B3GNT4: variants seen among roughly 807,000 people sequenced by gnomAD.
B3GNT4 encodes UDP-GlcNAc:betaGal beta-1,3-N-acetylglucosaminyltransferase 4.
B3GNT4 carries 2 observed loss-of-function variants against 2.7 expected under a neutral mutation model. The ratio of observed to expected loss-of-function variants is 0.73; its 90% CI spans 0.30 to 2.31. The LOEUF is 2.31. Among genes scored for constraint, B3GNT4 ranks in the 30% most tolerant of loss-of-function variants. The probability of loss-of-function intolerance (pLI) is 0.12; values close to 1 mark genes in which losing one functional copy is unlikely to be tolerated. For synonymous variants in B3GNT4, 280 were observed against 203.4 expected (o/e 1.38, Z -3.20); for missense variants, 708 against 490.9 (o/e 1.44, Z -4.18).
intron 1 of B3GNT4, among the ~76,000 whole-genome samples, chr12:122,204,052 C>CCCGCCAGCCTGGG (rs1953882790): frequency 6.6e-6 from 1 of 151,892 alleles, no homozygotes; most frequent in Non-Finnish European, 1.5e-5. Flanking sequence ...CGCGGTAGAC[C>CCCGCCAGCCTGGG]CCGCCAGCCT....
In B3GNT4 at chr12:122,204,597, A is replaced by C. The variant is rs368808281; in HGVS notation, c.-22A>C. ...CCGCCGCCCGGCATCCTGAGCACGG[A>C]GACAGTCTCCAGCTGCCGTTCATGC... On this transcript the variant is annotated 5_prime_UTR_variant, in exon 2 of 3. Coordinates refer to ENST00000324189, the MANE Select transcript of B3GNT4 (RefSeq NM_030765.4). 2.9e-4 allele frequency: 458 copies of C among 1,599,172 alleles called. 2 individuals carry two copies. In the African/African-American group the frequency reaches 5.3e-3, roughly 19 times the overall value.
rs1331912061 is a variant in B3GNT4 at position 122,208,163 on chromosome 12, T to TA, written c.*778dup. The TA allele has an allele frequency of 2.9e-6, 2 of 701,720 alleles. No individual in the cohort carries two copies. Among genetic ancestry groups the TA allele is most frequent in the Non-Finnish European group, 2.6e-6 (1 of 388,596 alleles). 43.5% of individuals were successfully genotyped at this position (701,720 alleles called of 1,614,324 possible). ...AGCTGTACAGAGTGGGGTGAAATGT[T>TA]AAACAGGGTGCAGTGCCCAAGGGCT... On this transcript the variant is annotated 3_prime_UTR_variant, in exon 3 of 3. Transcript: ENST00000324189.
At position 122,206,682 on chromosome 12, in the gene B3GNT4, TG is replaced by T. The variant is rs777064164; in HGVS notation, c.437del (p.Gly146AspfsTer8). The T allele has an allele frequency of 1.9e-5, 31 of 1,611,942 alleles. No individual in the cohort carries two copies. The highest frequency in any genetic ancestry group is 2.5e-5 in the Non-Finnish European group (29 of 1,179,462). On this transcript the variant is annotated frameshift_variant, in exon 3 of 3. Coordinates refer to ENST00000324189, the MANE Select transcript of B3GNT4 (RefSeq NM_030765.4). LOFTEE classifies it low-confidence loss of function (END_TRUNC). ...RAAIRSTWGR[V>X]GGWARGRQLK... is the part of the protein sequence containing the mutation. ...GCTATCCGCAGCACGTGGGGCAGGG[TG>T]GGGGGATGGGCTAGGGGCCGGCAGC...
In B3GNT4 at chr12:122,208,026, T is replaced by C. The variant is rs758892585; in HGVS notation, c.*638T>C. 13 of 513,058 alleles carry C rather than the reference T, an allele frequency of 2.5e-5. No homozygotes were observed. Among genetic ancestry groups the C allele is most frequent in the Non-Finnish European group, 4.9e-5 (13 of 266,448 alleles). 31.8% of individuals were successfully genotyped at this position (513,058 alleles called of 1,614,324 possible). ...TCATTTTTGACGACGTAAATAAGAC[T>C]GAAAACAGGTTAAACAGTTGCTGAA... On this transcript the variant is annotated 3_prime_UTR_variant, in exon 3 of 3. Transcript: ENST00000324189.
In B3GNT4 at chr12:122,206,695, T is replaced by G. The variant is rs1388700155; in HGVS notation, c.444T>G (p.Ala148=). 1 of 1,611,482 alleles carries G rather than the reference T, an allele frequency of 6.2e-7. No individual in the cohort carries two copies. The highest frequency in any genetic ancestry group is 1.1e-5 in the South Asian group (1 of 91,014). ...RSTWGRVGGW[A]RGRQLKLVFL... ...CGTGGGGCAGGGTGGGGGGATGGGC[T>G]AGGGGCCGGCAGCTGAAGCTGGTGT... Residue 148 remains alanine, a synonymous_variant, in exon 3 of 3, where the codon GCT becomes GCG. Transcript: ENST00000324189.
Position 122,206,610 on chromosome 12 carries a change from T to C in B3GNT4, c.359T>C (p.Leu120Ser). 6.2e-7 allele frequency: 1 copy of C among 1,614,148 alleles called. No individual in the cohort carries two copies. The highest frequency in any genetic ancestry group is 1.1e-5 in the South Asian group (1 of 91,084). ...TCAGGCTGTTCCAAGGATACCTTCT[T>C]GCTCCTGGCCATCAAGTCACAGCCT... ...EPSGCSKDTF[L>S]LLAIKSQPGH... Residue 120 changes from leucine (L) to serine (S), a missense_variant, in exon 3 of 3, where the codon TTG (leucine) becomes TCG (serine). Coordinates refer to ENST00000324189, the MANE Select transcript of B3GNT4 (RefSeq NM_030765.4).
chr12:122,205,396 C>G (rs1408685437), intron 2 of B3GNT4: 2 of 152,436 alleles, frequency 1.3e-5, no homozygotes, highest in African/African-American at 4.8e-5. Flanking sequence ...TAGCACCTAG[C>G]AGTTGCTTTT....
Position 122,206,693 on chromosome 12 carries a change from G to C in B3GNT4, c.442G>C (p.Ala148Pro). The change falls in exon 3 of 3, where the codon GCT becomes CCT. Residue 148 changes from alanine (A) to proline (P), a missense_variant. By Grantham distance (27) the Ala-to-Pro change is conservative. Coordinates refer to ENST00000324189, the MANE Select transcript of B3GNT4 (RefSeq NM_030765.4). Reference protein sequence around the residue: ...RSTWGRVGGWARGRQLKLVFL... With the variant: ...RSTWGRVGGWPRGRQLKLVFL... ...CACGTGGGGCAGGGTGGGGGGATGG[G>C]CTAGGGGCCGGCAGCTGAAGCTGGT... 2 of 1,611,532 alleles carry C rather than the reference G, an allele frequency of 1.2e-6. No individual in the cohort carries two copies. The highest frequency in any genetic ancestry group is 1.7e-5 in the Admixed American group (1 of 59,950).
Position 122,206,677 on chromosome 12 carries a change from C to T in B3GNT4, c.426C>T (p.Gly142=), listed in dbSNP as rs1352515780. 2 of 1,612,922 alleles carry T rather than the reference C, an allele frequency of 1.2e-6. No homozygotes were observed. Among genetic ancestry groups the T allele is most frequent in the African/African-American group, 2.7e-5 (2 of 75,040 alleles). ...GTGCGGCTATCCGCAGCACGTGGGG[C>T]AGGGTGGGGGGATGGGCTAGGGGCC... The part of the protein sequence containing the change: ...ERRAAIRSTW[G]RVGGWARGRQ... Residue 142 remains glycine, a synonymous_variant, in exon 3 of 3, where the codon GGC becomes GGT. Transcript: ENST00000324189.
chr12:122,206,417 G>A lies in B3GNT4; in HGVS notation c.166G>A (p.Ala56Thr), dbSNP rs1301687018. The change falls in exon 3 of 3, where the codon GCA (alanine) becomes ACA (threonine). Residue 56 changes from alanine to threonine, a missense_variant. Physicochemically the swap from Ala to Thr is moderately conservative, Grantham distance 58. Coordinates refer to ENST00000324189, the MANE Select transcript of B3GNT4 (RefSeq NM_030765.4). ...LLFLRKAAKP[A>T]GDPTAHQPFW... ...CTTCCTGAGGAAGGCGGCCAAGCCCGCAGGAGACCCCACGGCCCACCAGCC... is the reference window on the plus strand; with the variant it reads ...CTTCCTGAGGAAGGCGGCCAAGCCCACAGGAGACCCCACGGCCCACCAGCC... 2 of 1,613,490 alleles carry A rather than the reference G, an allele frequency of 1.2e-6. No homozygotes were observed. Among genetic ancestry groups the A allele is most frequent in the Non-Finnish European group, 1.7e-6 (2 of 1,179,920 alleles).
chr12:122,208,662 T>G lies in B3GNT4; in HGVS notation c.*1274T>G. ...GACGTTGGCCTGGGGGTGCTGTGGC[T>G]GTCATCTGAACCCCTCTTGGGGTCA... On this transcript the variant is annotated 3_prime_UTR_variant, in exon 3 of 3. Transcript: ENST00000324189. The G allele has an allele frequency of 7.1e-7, 1 of 1,410,094 alleles. No individual in the cohort carries two copies. Among genetic ancestry groups the G allele is most frequent in the South Asian group, 1.2e-5 (1 of 82,772 alleles). The allele number at this position is 1,410,094 out of a possible 1,614,324, so 87.3% of individuals were successfully genotyped here.
chr12:122,206,731 G>A lies in B3GNT4; in HGVS notation c.480G>A (p.Gly160=), dbSNP rs1273330517. 2 of 1,607,946 alleles carry A rather than the reference G, an allele frequency of 1.2e-6. No individual in the cohort carries two copies. The highest frequency in any genetic ancestry group is 1.7e-6 in the Non-Finnish European group (2 of 1,176,506). ...AGCTGAAGCTGGTGTTCCTCCTAGG[G>A]GTGGCAGGATCCGCTCCCCCAGCCC... ...GRQLKLVFLL[G]VAGSAPPAQL... is the part of the protein sequence containing the mutation. Residue 160 remains glycine (G), a synonymous_variant, in exon 3 of 3, where the codon GGG becomes GGA. Coordinates refer to ENST00000324189, the MANE Select transcript of B3GNT4 (RefSeq NM_030765.4).
In B3GNT4 at chr12:122,208,592, G is replaced by T; in HGVS notation, c.*1204G>T. The T allele has an allele frequency of 6.2e-7, 1 of 1,610,462 alleles. No individual in the cohort carries two copies. Among genetic ancestry groups the T allele is most frequent in the Non-Finnish European group, 8.5e-7 (1 of 1,179,864 alleles). On this transcript the variant is annotated 3_prime_UTR_variant, in exon 3 of 3. Transcript: ENST00000324189. ...CTGATCTGCGCCTGCCAAAAGATGG[G>T]ACAATCGGGTTGAGCAGCCGTGCAG...
At chr12:122,204,800 G>GACTAC in intron 2 of B3GNT4, 116 bp downstream of exon 2, 1 of 883,474 alleles carries the variant, frequency 1.1e-6, no homozygotes, top group Non-Finnish European at 1.8e-6. Context: ...AACGCTTTGG[G>GACTAC]AGGCCAAGGC....
rs910089724 is a variant in B3GNT4, at chr12:122,207,084, G to A, written c.833G>A (p.Gly278Glu). ...ACCCACTACCCACCCTATGCTGGTG[G>A]GGGAGGATATGTCATGTCCAGAGCC... ...RATHYPPYAG[G>E]GGYVMSRATV... Residue 278 changes from glycine (G) to glutamate (E), a missense_variant, in exon 3 of 3, where the codon GGG becomes GAG. Physicochemically the swap from Gly to Glu is moderately conservative, Grantham distance 98 (BLOSUM62 -2). Coordinates refer to ENST00000324189, the MANE Select transcript of B3GNT4 (RefSeq NM_030765.4). 4 of 1,613,942 alleles carry A rather than the reference G, an allele frequency of 2.5e-6. No homozygotes were observed. The highest frequency in any genetic ancestry group is 3.4e-6 in the Non-Finnish European group (4 of 1,180,006).
intron 2 of B3GNT4, 85 bp from the exon 3 acceptor site, chr12:122,206,233 G>A (rs967612748): frequency 1.1e-5 from 12 of 1,114,878 alleles, no homozygotes; most frequent in Admixed American, 9.4e-5. Context: ...GGGACTTAGC[G>A]GCTGGGGTGC....
Position 122,206,801 on chromosome 12 carries a change from T to G in B3GNT4, c.550T>G (p.Trp184Gly), listed in dbSNP as rs1483047671. The part of the protein sequence containing the change: ...ESREFDDILQ[W>G]DFTEDFFNLT... ...TAGGGAGTTTGATGACATCCTCCAG[T>G]GGGACTTCACTGAGGACTTCTTCAA... The change falls in exon 3 of 3, where the codon TGG (tryptophan) becomes GGG (glycine). Residue 184 changes from tryptophan (W) to glycine (G), a missense_variant. By Grantham distance (184) the Trp-to-Gly change is radical. Coordinates refer to ENST00000324189, the MANE Select transcript of B3GNT4 (RefSeq NM_030765.4). The G allele has an allele frequency of 6.2e-7, 1 of 1,610,492 alleles. No individual in the cohort carries two copies. The highest frequency in any genetic ancestry group is 1.3e-5 in the African/African-American group (1 of 74,864).
In B3GNT4 at chr12:122,207,426, GTTGA is replaced by G. The variant is rs754593172; in HGVS notation, c.*41_*44del. ...GCAACAGCCTGAGAGTGGACTCAGT[GTTGA>G]TTCTCTATCGTGATGCGAAATTGAT... On this transcript the variant is annotated 3_prime_UTR_variant, in exon 3 of 3. Coordinates refer to ENST00000324189, the MANE Select transcript of B3GNT4 (RefSeq NM_030765.4). The G allele has an allele frequency of 2.0e-6, 3 of 1,495,416 alleles. No homozygotes were observed. Among genetic ancestry groups the G allele is most frequent in the South Asian group, 1.4e-5 (1 of 73,678 alleles). The allele number at this position is 1,495,416 out of a possible 1,614,324, so 92.6% of individuals were successfully genotyped here.
Position 122,208,699 on chromosome 12 carries a change from C to T in B3GNT4, c.*1311C>T, listed in dbSNP as rs781298725. On this transcript the variant is annotated 3_prime_UTR_variant, in exon 3 of 3. Transcript: ENST00000324189. The stretch of plus-strand genomic sequence containing the variant: ...CCCTCTTGGGGTCACTTTCCTTGAC[C>T]TCCCTGTCTTCTCTCTCTGCAAAGA... 1.4e-5 allele frequency: 13 copies of T among 930,398 alleles called. No individual in the cohort carries two copies. In the African/African-American group the frequency reaches 2.0e-4, roughly 14 times the overall value. 57.6% of individuals were successfully genotyped at this position (930,398 alleles called of 1,614,324 possible). A position where few individuals can be genotyped will look rare whatever the true frequency, so the allele number is the denominator to read the frequency against.
Sources: gnomAD v4.1 joint callset for allele counts (sites outside exome capture counted in the v4.1 genomes callset) on GRCh38, gnomAD v4.1.1 for gene constraint, MANE v1.5 for transcripts, NCBI Gene and HGNC (gene_info 2026-07-23, HGNC 2026-07-21) for gene names.